The following GLB1L2 variants were observed in gnomAD, a reference collection of about 807,000 sequenced individuals.
GLB1L2 encodes the protein galactosidase beta 1 like 2.
A neutral mutation model predicts 84.1 loss-of-function variants in GLB1L2; 68 were observed. That is an observed-to-expected ratio of 0.81 (90% CI 0.67 to 0.99). The LOEUF is 0.99. GLB1L2 is among the 50% of genes least tolerant of loss of function. The probability of loss-of-function intolerance (pLI) is 0.00; values close to 1 mark genes in which losing one functional copy is unlikely to be tolerated. For missense variants in GLB1L2, 762 were observed against 805.6 expected, an observed-to-expected ratio of 0.95 and a Z score of 0.66; for synonymous variants, 290 against 318.0, an observed-to-expected ratio of 0.91 and a Z score of 0.94.
chr11:134,355,056 T>C (rs1943684198), intron 5 of GLB1L2, among the ~76,000 whole-genome samples: 1 of 152,198 alleles, frequency 6.6e-6, no homozygotes, highest in Non-Finnish European at 1.5e-5. Context: ...TCAGACCTGA[T>C]CATTTCTGAT....
intron 5 of GLB1L2, among the ~76,000 whole-genome samples, chr11:134,351,347 T>C (rs1943629839): frequency 2.2e-5 from 3 of 138,548 alleles, no homozygotes; most frequent in Admixed American, 2.1e-4. Flanking sequence ...TTTTCTTTCT[T>C]TTTTTTTTTT....
chr11:134,374,251 CT>C lies in GLB1L2; in HGVS notation c.1703del (p.Leu568ArgfsTer35), dbSNP rs1218483388. 3.7e-6 allele frequency: 6 copies of C among 1,607,246 alleles called. No individual in the cohort carries two copies. The highest frequency in any genetic ancestry group is 4.3e-6 in the Non-Finnish European group (5 of 1,173,842). ...CACCCCTTGTGACACCTTTCTGAAG[CT>C]GGAGGTTGGTAACGCCCTTTTCCCT... Reference protein sequence around the residue: ...SSTPCDTFLKLEGWEKGVVFI... With the variant: ...SSTPCDTFLKXEGWEKGVVFI... On this transcript the variant is annotated frameshift_variant, in exon 17 of 19. Transcript: ENST00000535456. LOFTEE classifies it high-confidence loss of function.
At chr11:134,363,080 C>T (rs1591621445) in intron 7 of GLB1L2, among the ~76,000 whole-genome samples, 2 of 152,180 alleles carry the variant, frequency 1.3e-5, no homozygotes, top group Admixed American at 1.3e-4. Flanking sequence ...ATCCTGCGGA[C>T]TTTGAGTTCA....
intron 9 of GLB1L2, among the ~76,000 whole-genome samples, chr11:134,367,615 A>G (rs1943882846): frequency 6.6e-6 from 1 of 152,202 alleles, no homozygotes; most frequent in Non-Finnish European, 1.5e-5. Context: ...TATAGAGAAG[A>G]AATAAAATTC....
chr11:134,364,564 C>T, intron 8 of GLB1L2, 166 bp downstream of exon 8: 2 of 619,480 alleles, frequency 3.2e-6, no homozygotes, highest in South Asian at 1.9e-5. Flanking sequence ...GCCCGCTGCC[C>T]AGAAACACCT....
chr11:134,353,772 TTA>T (rs983782352), intron 5 of GLB1L2, among the ~76,000 whole-genome samples: 2 of 152,212 alleles, frequency 1.3e-5, no homozygotes, highest in African/African-American at 4.8e-5. Context: ...CCTTTTATCA[TTA>T]TATATATTTT....
rs1318448444 is a variant in GLB1L2, at chr11:134,338,078, G to A, written c.87-4676G>A. Among the ~76,000 whole-genome samples, 1 of 152,146 alleles carries A rather than the reference G, an allele frequency of 6.6e-6. No individual in the cohort carries two copies. Among genetic ancestry groups the A allele is most frequent in the Non-Finnish European group, 1.5e-5 (1 of 68,018 alleles). On this transcript the variant is annotated intron_variant, in intron 1 of 18. Transcript: ENST00000535456. This position sits in a 1 kb window ranked among gnomAD's most constrained non-coding sequence, Gnocchi z 6.2. Reference sequence around the variant, plus strand: ...ATGCTGGTGGCCAGCCTCGGACTGCGTGAGTGCTGCCTGGTCTCCACCGGC... The same window carrying A: ...ATGCTGGTGGCCAGCCTCGGACTGCATGAGTGCTGCCTGGTCTCCACCGGC...
chr11:134,347,103 C>G, intron 4 of GLB1L2: 1 of 519,546 alleles, frequency 1.9e-6, no homozygotes, highest in Non-Finnish European at 3.5e-6. Context: ...TGAACTTCCA[C>G]CAGGCTGTGT....
In GLB1L2 at chr11:134,370,667, G is replaced by A. The variant is rs1330519603; in HGVS notation, c.1215+268G>A. On this transcript the variant is annotated intron_variant, in intron 12 of 18. Coordinates refer to ENST00000535456, the MANE Select transcript of GLB1L2 (RefSeq NM_001370461.1). This position sits in a 1 kb window ranked among gnomAD's most constrained non-coding sequence, Gnocchi z 4.7. ...GAAACAGAGGTCCCTGAGGAACAGC[G>A]GCTGGCCCCGTGGGCCTTTCCTTCC... is the stretch of plus-strand genomic sequence containing the variant. 3.3e-5 allele frequency among the ~76,000 whole-genome samples: 5 copies of A among 152,092 alleles called. No individual in the cohort carries two copies. The highest frequency in any genetic ancestry group is 1.9e-4 in the East Asian group (1 of 5,166).
chr11:134,369,392 G>T (rs141675518), intron 10 of GLB1L2, among the ~76,000 whole-genome samples: 1 of 152,040 alleles, frequency 6.6e-6, no homozygotes, highest in Non-Finnish European at 1.5e-5. Context: ...TGGGGGTCTC[G>T]CTATGTTGCC....
At chr11:134,369,779 C>A (rs749299492) in intron 10 of GLB1L2, 26 bp from the exon 11 acceptor site, 1 of 1,599,786 alleles carries the variant, frequency 6.3e-7, no homozygotes, top group Non-Finnish European at 8.6e-7. Context: ...ACAGGAATGA[C>A]CATGACAGGG....
chr11:134,346,193 C>T lies in GLB1L2; in HGVS notation c.449+1064C>T, dbSNP rs77403965. 3.1e-3 allele frequency among the ~76,000 whole-genome samples: 472 copies of T among 152,272 alleles called. 3 individuals carry two copies. Among genetic ancestry groups the T allele is most frequent in the African/African-American group, 0.011 (441 of 41,558 alleles). The stretch of plus-strand genomic sequence containing the variant: ...ACCCGCCCTTCCCTCGGGGGCATAG[C>T]TTCTGTCTCCACTACCCAGGGCCAC... On this transcript the variant is annotated intron_variant, in intron 4 of 18. Transcript: ENST00000535456.
At chr11:134,362,135 C>T (rs1943801748) in intron 7 of GLB1L2, among the ~76,000 whole-genome samples, 1 of 152,160 alleles carries the variant, frequency 6.6e-6, no homozygotes, top group African/African-American at 2.4e-5. Context: ...TATCTCTGTG[C>T]CTTTCAGCTC....
intron 7 of GLB1L2, 47 bp downstream of exon 7, chr11:134,359,188 C>T: frequency 7.1e-7 from 1 of 1,406,218 alleles, no homozygotes; most frequent in Non-Finnish European, 9.8e-7. Flanking sequence ...CGGCCCTGGG[C>T]TGGCTGTGCA....
intron 15 of GLB1L2, 149 bp from the exon 16 acceptor site, chr11:134,373,572 C>T (rs1943984901): frequency 3.2e-6 from 2 of 626,674 alleles, no homozygotes; most frequent in African/African-American, 1.8e-5. Context: ...AGGGAGCGTA[C>T]ACTTCAGTAC....
At chr11:134,332,231 C>G in intron 1 of GLB1L2, 84 bp downstream of exon 1, 1 of 982,876 alleles carries the variant, frequency 1.0e-6, no homozygotes, top group Non-Finnish European at 1.5e-6. Flanking sequence ...CCGCGACCCG[C>G]GAATCCCGAG....
chr11:134,371,139 T>G lies in GLB1L2; in HGVS notation c.1347T>G (p.Asp449Glu). The change falls in exon 13 of 19, where the codon GAT becomes GAG. Residue 449 changes from aspartate (D) to glutamate (E), a missense_variant. Around this residue, in one of 3 missense-constraint regions of GLB1L2, gnomAD observed 603 missense variants for 611.7 expected, o/e 0.99. Coordinates refer to ENST00000535456, the MANE Select transcript of GLB1L2 (RefSeq NM_001370461.1). ...SSGILSGHVH[D>E]RGQVFVNTVS... ...GCATCCTCAGTGGCCACGTGCATGATCGGGGGCAGGTAGGAGCTTCTCTTC... is the reference window on the plus strand; with the variant it reads ...GCATCCTCAGTGGCCACGTGCATGAGCGGGGGCAGGTAGGAGCTTCTCTTC... 1 of 1,614,178 alleles carries G rather than the reference T, an allele frequency of 6.2e-7. No homozygotes were observed. Among genetic ancestry groups the G allele is most frequent in the Non-Finnish European group, 8.5e-7 (1 of 1,180,024 alleles).
At chr11:134,356,597 C>T (rs1310770683) in intron 6 of GLB1L2, among the ~76,000 whole-genome samples, 2 of 152,194 alleles carry the variant, frequency 1.3e-5, no homozygotes, top group Non-Finnish European at 2.9e-5. Context: ...TTTCAGTACA[C>T]ACCTGGTATT....
intron 14 of GLB1L2, 53 bp from the exon 15 acceptor site, chr11:134,371,699 G>A: frequency 6.3e-7 from 1 of 1,576,670 alleles, no homozygotes; most frequent in Non-Finnish European, 8.7e-7. Context: ...AGCAAATTCT[G>A]AGGGGCAGCT....
Sources: gnomAD v4.1 joint callset for allele counts (sites outside exome capture counted in the v4.1 genomes callset) on GRCh38, gnomAD v4.1.1 for gene constraint, gnomAD v4.1.1 regional missense constraint, Gnocchi (gnomAD v3.1) non-coding constraint, MANE v1.5 for transcripts, NCBI Gene and HGNC (gene_info 2026-07-23, HGNC 2026-07-21) for gene names.